The following PGAP1 variants were observed in gnomAD, a reference collection of about 807,000 sequenced individuals.
The protein encoded by PGAP1 is post-GPI attachment to proteins inositol deacylase 1.
Under a neutral mutation model 127.0 loss-of-function variants are expected in PGAP1, and 76 were observed. That is an observed-to-expected ratio of 0.60 (90% CI 0.50 to 0.72). The LOEUF is 0.72. Among genes scored for constraint, PGAP1 ranks in the 30% least tolerant of loss-of-function variants. The pLI, the probability that PGAP1 is intolerant of heterozygous loss-of-function variation, is 0.00. For synonymous variants in PGAP1, 362 were observed against 366.5 expected (o/e 0.99, Z 0.14); for missense variants, 982 against 1,071.3 (o/e 0.92, Z 1.16).
intron 4 of PGAP1, among the ~76,000 whole-genome samples, chr2:196,907,145 A>T (rs1702747720): frequency 5.4e-5 from 1 of 18,586 alleles, no homozygotes; most frequent in Non-Finnish European, 9.1e-5. Context: ...AAGACACATA[A>T]TTGTCAGATT....
chr2:196,883,520 C>T (rs773842672), intron 12 of PGAP1, among the ~76,000 whole-genome samples: 2 of 152,184 alleles, frequency 1.3e-5, no homozygotes, highest in Non-Finnish European at 2.9e-5. Context: ...CAAATGGTAG[C>T]TAATATGAAA....
chr2:196,866,540 C>T (rs963057446), intron 19 of PGAP1, among the ~76,000 whole-genome samples: 1 of 152,092 alleles, frequency 6.6e-6, no homozygotes, highest in Non-Finnish European at 1.5e-5. Flanking sequence ...CTAGGCAATA[C>T]CATTCAGGAC....
At chr2:196,886,943 G>A (rs950535768) in intron 10 of PGAP1, among the ~76,000 whole-genome samples, 3 of 151,930 alleles carry the variant, frequency 2.0e-5, no homozygotes, top group African/African-American at 4.8e-5. Context: ...TGATCCGCCC[G>A]CCTCAACCTC....
Position 196,925,316 on chromosome 2 carries a change from A to C in PGAP1, c.147+1154T>G, listed in dbSNP as rs137969133. On this transcript the variant is annotated intron_variant, in intron 1 of 26. Coordinates refer to ENST00000354764, the MANE Select transcript of PGAP1 (RefSeq NM_024989.4). The stretch of plus-strand genomic sequence containing the variant: ...AATCAAGTAACAGGCTTCCTCCATA[A>C]TGACTTGTACAAAGAAGCAATCAGG... 4.5e-3 allele frequency among the ~76,000 whole-genome samples: 682 copies of C among 152,322 alleles called. 5 individuals carry two copies. Among genetic ancestry groups the C allele is most frequent in the African/African-American group, 0.015 (634 of 41,564 alleles).
chr2:196,856,517 T>C (rs976313224), intron 20 of PGAP1, among the ~76,000 whole-genome samples: 2 of 152,174 alleles, frequency 1.3e-5, no homozygotes, highest in Non-Finnish European at 2.9e-5. Context: ...CTTTCTTCCA[T>C]GGAATTACTA....
At position 196,836,306 on chromosome 2, in the gene PGAP1, C is replaced by T. The variant is rs910135725; in HGVS notation, c.*4928G>A. 2.0e-5 allele frequency: 3 copies of T among 152,500 alleles called. No individual in the cohort carries two copies. The highest frequency in any genetic ancestry group is 2.9e-5 in the Non-Finnish European group (2 of 67,946). The allele number at this position is 152,500 out of a possible 1,614,324, so 9.4% of individuals were successfully genotyped here. On this transcript the variant is annotated 3_prime_UTR_variant, in exon 27 of 27. Transcript: ENST00000354764. The stretch of plus-strand genomic sequence containing the variant: ...TTATTTAAAAGTTATCAACCGTAGA[C>T]AATTAAGACAGCTTAGAATATCACC...
chr2:196,899,523 T>C lies in PGAP1; in HGVS notation c.808-1154A>G, dbSNP rs567370922. On this transcript the variant is annotated intron_variant, in intron 5 of 26. Coordinates refer to ENST00000354764, the MANE Select transcript of PGAP1 (RefSeq NM_024989.4). ...TAATGGTCAGTAGAGTAAGAACTCT[T>C]AGTAGACAGCATTTACCATTACCAA... Among the ~76,000 whole-genome samples the C allele has an allele frequency of 2.0e-4, 31 of 152,336 alleles. 1 individual carries two copies. Among genetic ancestry groups the C allele is most frequent in the African/African-American group, 7.2e-4 (30 of 41,584 alleles).
chr2:196,865,230 T>C (rs1701201370), intron 19 of PGAP1, 150 bp from the exon 20 acceptor site: 1 of 550,050 alleles, frequency 1.8e-6, no homozygotes, highest in African/African-American at 2.0e-5. Context: ...CTAAGTAAAA[T>C]AAATGTTGAA....
chr2:196,881,020 C>T (rs1002948571), intron 12 of PGAP1, among the ~76,000 whole-genome samples: 16 of 152,238 alleles, frequency 1.1e-4, no homozygotes, highest in Admixed American at 1.0e-3. Context: ...CTTCCTCCTC[C>T]TACTCTCCAC....
chr2:196,864,768 C>T (rs1056260416), intron 20 of PGAP1, among the ~76,000 whole-genome samples: 5 of 152,068 alleles, frequency 3.3e-5, no homozygotes, highest in Non-Finnish European at 7.4e-5. Context: ...CATAAAATCA[C>T]ATGCTATTTT....
In PGAP1 at chr2:196,885,855, C is replaced by G; in HGVS notation, c.1199G>C (p.Cys400Ser). ...TTACCACATAGAAGTGCTGTTTATG[C>G]AAGCAAAAATCCAACTATTTGTATC... The part of the protein sequence containing the change: ...MLDTNSWIFA[C>S]INSTSMCLQG... The change falls in exon 11 of 27, where the codon TGC becomes TCC. Residue 400 changes from cysteine to serine, a missense_variant. Transcript: ENST00000354764. 1 of 1,416,020 alleles carries G rather than the reference C, an allele frequency of 7.1e-7. No homozygotes were observed. The highest frequency in any genetic ancestry group is 1.9e-5 in the South Asian group (1 of 52,462). The allele number at this position is 1,416,020 out of a possible 1,614,324, so 87.7% of individuals were successfully genotyped here. A position where few individuals can be genotyped will look rare whatever the true frequency, so the allele number is the denominator to read the frequency against.
chr2:196,860,098 G>T (rs1224577562), intron 20 of PGAP1, among the ~76,000 whole-genome samples: 1 of 151,454 alleles, frequency 6.6e-6, no homozygotes, highest in Non-Finnish European at 1.5e-5. Context: ...CATGATCCTA[G>T]ATTTAAAAAA....
intron 5 of PGAP1, among the ~76,000 whole-genome samples, chr2:196,898,655 T>C (rs1702369648): frequency 6.6e-6 from 1 of 152,216 alleles, no homozygotes; most frequent in South Asian, 2.1e-4. Flanking sequence ...CTCCTAAAGT[T>C]TAATGTCTAA....
rs1700180908 is a variant in PGAP1 at position 196,834,425 on chromosome 2, T to C, written c.*6809A>G. 1 of 152,454 alleles carries C rather than the reference T, an allele frequency of 6.6e-6. No individual in the cohort carries two copies. The highest frequency in any genetic ancestry group is 2.1e-4 in the South Asian group (1 of 4,834). 9.4% of individuals were successfully genotyped at this position (152,454 alleles called of 1,614,324 possible). A position where few individuals can be genotyped will look rare whatever the true frequency, so the allele number is the denominator to read the frequency against. On this transcript the variant is annotated 3_prime_UTR_variant, in exon 27 of 27. Coordinates refer to ENST00000354764, the MANE Select transcript of PGAP1 (RefSeq NM_024989.4). ...CCACCCATAATAAAATGTACAGTTA[T>C]AAAATTGCAGGGCACTCTTTATCAT...
At chr2:196,872,363 T>C in intron 18 of PGAP1, 78 bp downstream of exon 18, 2 of 979,844 alleles carry the variant, frequency 2.0e-6, no homozygotes, top group Non-Finnish European at 1.5e-6. Context: ...CCACCATATA[T>C]CTGAAGCTTA....
chr2:196,919,584 T>C (rs902009621), intron 2 of PGAP1, among the ~76,000 whole-genome samples: 12 of 152,156 alleles, frequency 7.9e-5, no homozygotes, highest in African/African-American at 1.2e-4. Context: ...CTAACTTAAA[T>C]AACTCCAAAA....
intron 7 of PGAP1, among the ~76,000 whole-genome samples, chr2:196,893,692 T>C (rs1001589992): frequency 5.3e-5 from 8 of 152,204 alleles, no homozygotes; most frequent in African/African-American, 1.9e-4. Context: ...GCCAACACCA[T>C]AACAAAGAAT....
chr2:196,905,162 G>A (rs1283425861), intron 4 of PGAP1, among the ~76,000 whole-genome samples: 2 of 152,168 alleles, frequency 1.3e-5, no homozygotes, highest in African/African-American at 4.8e-5. Context: ...TATTGAGGGT[G>A]CATTCCTCAA....
intron 3 of PGAP1, 92 bp from the exon 4 acceptor site, chr2:196,913,145 A>G (rs1576196163): frequency 1.7e-6 from 2 of 1,188,606 alleles, no homozygotes; most frequent in East Asian, 4.9e-5. Flanking sequence ...ATTTTATAGG[A>G]AAAAGAAAAT....
Sources: allele counts gnomAD v4.1 joint callset (sites outside exome capture counted in the v4.1 genomes callset), GRCh38; gene constraint gnomAD v4.1.1; transcripts MANE v1.5; gene names NCBI Gene and HGNC (gene_info 2026-07-23, HGNC 2026-07-21).